Variants in STIM2 observed in about 807,000 individuals in gnomAD.
The protein encoded by STIM2 is stromal interaction molecule 2.
Under a neutral mutation model 85.8 loss-of-function variants are expected in STIM2, and 31 were observed. The ratio of observed to expected loss-of-function variants is 0.36; its 90% CI spans 0.27 to 0.49. STIM2 has a LOEUF of 0.49. Ranked by LOEUF, STIM2 falls within the 20% of genes least tolerant of loss-of-function variation. The probability of loss-of-function intolerance (pLI) is 0.98; values close to 1 mark genes in which losing one functional copy is unlikely to be tolerated. For missense variants in STIM2, 841 were observed against 927.6 expected (o/e 0.91, Z 1.21); for synonymous variants, 356 against 331.1 (o/e 1.08, Z -0.82).
intron 4 of STIM2, among the ~76,000 whole-genome samples, chr4:26,998,176 T>C (rs539646435): frequency 6.6e-6 from 1 of 152,220 alleles, no homozygotes; most frequent in Admixed American, 6.5e-5. Context: ...TATTAGACTT[T>C]GTGTAATGAA....
intron 1 of STIM2, among the ~76,000 whole-genome samples, chr4:26,879,421 A>G (rs1722924277): frequency 6.6e-6 from 1 of 151,766 alleles, no homozygotes; most frequent in Admixed American, 6.6e-5. Context: ...ATATTATACC[A>G]TTTCTTTTAT....
chr4:26,885,834 T>TAC (rs1723202783), intron 1 of STIM2, among the ~76,000 whole-genome samples: 1 of 26,318 alleles, frequency 3.8e-5, no homozygotes, highest in African/African-American at 2.0e-4. Context: ...TATATATATA[T>TAC]ATATATATAT....
At chr4:27,008,732 G>T (rs1728460085) in intron 9 of STIM2, 32 bp from the exon 10 acceptor site, 2 of 1,599,806 alleles carry the variant, frequency 1.3e-6, no homozygotes, top group African/African-American at 1.3e-5. Context: ...ACCTTTTGAT[G>T]CAGTAAGTAA....
At position 26,908,656 on chromosome 4, in the gene STIM2, G is replaced by T. The variant is rs1724219653; in HGVS notation, c.152-10848G>T. Reference sequence around the variant, plus strand: ...ATGCTACCACGCCCGGCTCATTTTTGTATTTTTAGTAGAGACAGAGTTTCA... The same window carrying T: ...ATGCTACCACGCCCGGCTCATTTTTTTATTTTTAGTAGAGACAGAGTTTCA... On this transcript the variant is annotated intron_variant, in intron 1 of 11. Transcript: ENST00000467087. Among the ~76,000 whole-genome samples, 3 of 152,120 alleles carry T rather than the reference G, an allele frequency of 2.0e-5. No individual in the cohort carries two copies. In the South Asian group the frequency reaches 6.2e-4, roughly 32 times the overall value.
intron 3 of STIM2, among the ~76,000 whole-genome samples, chr4:26,985,467 T>C (rs1271271041): frequency 6.6e-6 from 1 of 152,190 alleles, no homozygotes; most frequent in Non-Finnish European, 1.5e-5. Flanking sequence ...TGGTATTTTA[T>C]ATAAACATTC....
intron 11 of STIM2, chr4:27,019,479 G>A (rs529179482): frequency 1.2e-5 from 15 of 1,289,742 alleles, no homozygotes; most frequent in South Asian, 8.6e-5. Flanking sequence ...AGGAAAACTC[G>A]AGAGCTGCAC....
At chr4:26,994,512 C>T (rs1383932591) in intron 3 of STIM2, among the ~76,000 whole-genome samples, 1 of 152,046 alleles carries the variant, frequency 6.6e-6, no homozygotes, top group African/African-American at 2.4e-5. Context: ...GAATGGTCTT[C>T]TTATTTCTCC....
chr4:26,898,103 A>G (rs1235919625), intron 1 of STIM2, among the ~76,000 whole-genome samples: 1 of 152,244 alleles, frequency 6.6e-6, no homozygotes, highest in Non-Finnish European at 1.5e-5. Context: ...GATGGAAATG[A>G]GAATTCACAT....
intron 2 of STIM2, among the ~76,000 whole-genome samples, chr4:26,948,073 C>T (rs1474665742): frequency 1.3e-5 from 2 of 152,188 alleles, no homozygotes; most frequent in African/African-American, 4.8e-5. Context: ...GCTGAACAAT[C>T]TAGAATTGTT....
chr4:26,966,430 T>A (rs1726720161), intron 3 of STIM2, among the ~76,000 whole-genome samples: 1 of 152,212 alleles, frequency 6.6e-6, no homozygotes, highest in Non-Finnish European at 1.5e-5. Context: ...TGCTTTTGAA[T>A]AAAGGACTTG....
chr4:26,901,055 C>A (rs926597524), intron 1 of STIM2, among the ~76,000 whole-genome samples: 1 of 152,136 alleles, frequency 6.6e-6, no homozygotes, highest in Non-Finnish European at 1.5e-5. Flanking sequence ...TCCCTTCTTG[C>A]GTTTCCTCTC....
At position 26,984,796 on chromosome 4, in the gene STIM2, C is replaced by T. The variant is rs368549472; in HGVS notation, c.398-10583C>T. On this transcript the variant is annotated intron_variant, in intron 3 of 11. Coordinates refer to ENST00000467087, the MANE Select transcript of STIM2 (RefSeq NM_020860.4). Reference sequence around the variant, plus strand: ...AATAGGAAAGGTAATAAAGCCTTCCCTCAGTGTCCCCTGTACCACTGTTGG... The same window carrying T: ...AATAGGAAAGGTAATAAAGCCTTCCTTCAGTGTCCCCTGTACCACTGTTGG... 1.1e-4 allele frequency among the ~76,000 whole-genome samples: 17 copies of T among 152,286 alleles called. 2 individuals carry two copies. In the East Asian group the frequency reaches 3.3e-3, roughly 29 times the overall value.
intron 2 of STIM2, among the ~76,000 whole-genome samples, chr4:26,948,071 A>G (rs1255263583): frequency 6.6e-6 from 1 of 152,244 alleles, no homozygotes; most frequent in Non-Finnish European, 1.5e-5. Context: ...TAGCTGAACA[A>G]TCTAGAATTG....
At chr4:26,862,733 A>G (rs1722266068) in intron 1 of STIM2, among the ~76,000 whole-genome samples, 1 of 152,234 alleles carries the variant, frequency 6.6e-6, no homozygotes, top group Non-Finnish European at 1.5e-5. Context: ...AATAATCAGT[A>G]TTAGGAGCAT....
At chr4:27,004,684 C>A (rs1406087829) in intron 7 of STIM2, among the ~76,000 whole-genome samples, 1 of 152,096 alleles carries the variant, frequency 6.6e-6, no homozygotes, top group Non-Finnish European at 1.5e-5. Context: ...ACCATGCACA[C>A]CTCAGTAGAC....
At chr4:26,929,748 A>G (rs954211012) in intron 2 of STIM2, among the ~76,000 whole-genome samples, 1 of 152,132 alleles carries the variant, frequency 6.6e-6, no homozygotes, top group Admixed American at 6.5e-5. Flanking sequence ...CAGATACTCA[A>G]ATAGTTGCTT....
chr4:26,975,260 C>G (rs778459598), intron 3 of STIM2, among the ~76,000 whole-genome samples: 1 of 152,224 alleles, frequency 6.6e-6, no homozygotes, highest in African/African-American at 2.4e-5. Flanking sequence ...CACAGTCATT[C>G]TCTGTCCTGC....
chr4:26,978,413 G>A (rs1459456243), intron 3 of STIM2, among the ~76,000 whole-genome samples: 1 of 151,742 alleles, frequency 6.6e-6, no homozygotes, highest in African/African-American at 2.4e-5. Flanking sequence ...CTATTTAATA[G>A]GAGAGTGCTG....
intron 3 of STIM2, among the ~76,000 whole-genome samples, chr4:26,979,924 T>C (rs752300996): frequency 3.3e-5 from 5 of 152,226 alleles, no homozygotes; most frequent in Non-Finnish European, 7.3e-5. Flanking sequence ...TTTTCTATTT[T>C]TCTTTTTTAT....
Sources: gnomAD v4.1 joint callset for allele counts (sites outside exome capture counted in the v4.1 genomes callset) on GRCh38, gnomAD v4.1.1 for gene constraint, MANE v1.5 for transcripts, NCBI Gene and HGNC (gene_info 2026-07-23, HGNC 2026-07-21) for gene names.